MRTFB: variants seen among roughly 807,000 people sequenced by gnomAD.
MRTFB encodes the protein myocardin related transcription factor B.
Under a neutral mutation model 104.2 loss-of-function variants are expected in MRTFB, and 29 were observed. That is an observed-to-expected ratio of 0.28 (90% CI 0.21 to 0.38). The LOEUF (loss-of-function observed/expected upper bound fraction) is 0.38. Among genes scored for constraint, MRTFB ranks in the 10% least tolerant of loss-of-function variants. MRTFB has a pLI of 1.00. For synonymous variants in MRTFB, 535 were observed against 519.5 expected, an observed-to-expected ratio of 1.03 and a Z score of -0.41; for missense variants, 1,270 against 1,341.6, an observed-to-expected ratio of 0.95 and a Z score of 0.83.
chr16:14,131,788 AAG>A (rs899421798), intron 2 of MRTFB, among the ~76,000 whole-genome samples: 3 of 151,964 alleles, frequency 2.0e-5, no homozygotes, highest in East Asian at 1.9e-4. Context: ...TAAAAAAAAA[AAG>A]AGAGAATGTG....
chr16:14,048,675 T>C, the MRTFB span, among the ~76,000 whole-genome samples: 31 of 152,228 alleles, frequency 2.0e-4, no homozygotes, highest in African/African-American at 7.5e-4. Context: ...ATCTGATTCA[T>C]GTCTTCAAAG....
chr16:14,000,152 A>G, the MRTFB span, among the ~76,000 whole-genome samples: 1 of 152,190 alleles, frequency 6.6e-6, no homozygotes, highest in African/African-American at 2.4e-5. Context: ...CAGGATAGAG[A>G]TAACAGGGTA....
the MRTFB span, among the ~76,000 whole-genome samples, chr16:14,034,272 C>A: frequency 6.6e-6 from 1 of 152,182 alleles, no homozygotes; most frequent in Non-Finnish European, 1.5e-5. Context: ...AACCTGTCCC[C>A]ACCTCTCTTC....
At chr16:14,076,355 C>T (rs946202647) in intron 1 of MRTFB, among the ~76,000 whole-genome samples, 1 of 151,868 alleles carries the variant, frequency 6.6e-6, no homozygotes, top group African/African-American at 2.4e-5. Context: ...CCACCAGGCC[C>T]GGATAATTTT....
the MRTFB span, among the ~76,000 whole-genome samples, chr16:13,999,006 A>G: frequency 1.3e-5 from 2 of 151,002 alleles, no homozygotes; most frequent in African/African-American, 4.9e-5. Context: ...CTTGGGCAAC[A>G]TGGTGAAACC....
chr16:14,159,606 G>T (rs115819742), intron 3 of MRTFB, among the ~76,000 whole-genome samples: 1 of 152,224 alleles, frequency 6.6e-6, no homozygotes, highest in African/African-American at 2.4e-5. Flanking sequence ...TCTTTGTAAC[G>T]CCTGAAGTTA....
chr16:14,072,477 C>A (rs1353848074), intron 1 of MRTFB, among the ~76,000 whole-genome samples: 1 of 152,076 alleles, frequency 6.6e-6, no homozygotes, highest in Non-Finnish European at 1.5e-5. Flanking sequence ...GGAGCTATTT[C>A]AAACAAGAGC....
chr16:14,120,344 C>T (rs986915005), intron 2 of MRTFB, among the ~76,000 whole-genome samples: 1 of 152,172 alleles, frequency 6.6e-6, no homozygotes, highest in African/African-American at 2.4e-5. Flanking sequence ...CTTTTTACAT[C>T]ATGTTTAATC....
chr16:14,105,197 A>G (rs922988517), intron 2 of MRTFB, among the ~76,000 whole-genome samples: 17 of 152,292 alleles, frequency 1.1e-4, no homozygotes, highest in African/African-American at 4.1e-4. Context: ...GAGCTGATAG[A>G]GGCCTTGGGA....
chr16:14,162,152 CAAAAAAAA>C (rs376183467), intron 3 of MRTFB, among the ~76,000 whole-genome samples: 157 of 62,702 alleles, frequency 2.5e-3, no homozygotes, highest in African/African-American at 6.1e-3. Context: ...CCTGTCTCTA[CAAAAAAAA>C]AAAAAAAAAA....
At chr16:14,014,852 G>T in the MRTFB span, among the ~76,000 whole-genome samples, 1 of 151,950 alleles carries the variant, frequency 6.6e-6, no homozygotes, top group Non-Finnish European at 1.5e-5. Flanking sequence ...CTGGCGACAG[G>T]GCAAGACTCC....
intron 2 of MRTFB, among the ~76,000 whole-genome samples, chr16:14,138,683 G>T (rs1303074658): frequency 6.6e-6 from 1 of 152,186 alleles, no homozygotes; most frequent in Non-Finnish European, 1.5e-5. Context: ...ATCAGCCAGA[G>T]ACTTGGAGCA....
At chr16:14,194,135 A>G (rs2040322130) in intron 3 of MRTFB, among the ~76,000 whole-genome samples, 1 of 152,242 alleles carries the variant, frequency 6.6e-6, no homozygotes, top group Non-Finnish European at 1.5e-5. Flanking sequence ...AGCAGGCATC[A>G]GAATGGCAAA....
At chr16:14,141,270 C>G (rs770068088) in intron 3 of MRTFB, 1 of 152,594 alleles carries the variant, frequency 6.6e-6, no homozygotes, top group Non-Finnish European at 1.5e-5. Flanking sequence ...TCATCTTTGT[C>G]TACAAAATGA....
intron 3 of MRTFB, among the ~76,000 whole-genome samples, chr16:14,159,390 AT>A (rs1378325682): frequency 6.6e-6 from 1 of 152,106 alleles, no homozygotes; most frequent in East Asian, 1.9e-4. Context: ...TGTCCAAATA[AT>A]TTTTTTACCT....
intron 2 of MRTFB, among the ~76,000 whole-genome samples, chr16:14,102,724 C>A (rs914667457): frequency 2.0e-5 from 3 of 152,222 alleles, no homozygotes; most frequent in African/African-American, 7.2e-5. Context: ...TGTTCTCAAA[C>A]TTTCTGTGTC....
intron 2 of MRTFB, among the ~76,000 whole-genome samples, chr16:14,081,728 T>C (rs566147198): frequency 2.0e-5 from 3 of 152,196 alleles, no homozygotes; most frequent in East Asian, 1.9e-4. Context: ...CACAGGCACA[T>C]GCCACCACAC....
chr16:14,122,348 A>G (rs138369422), intron 2 of MRTFB, among the ~76,000 whole-genome samples: 9 of 151,612 alleles, frequency 5.9e-5, no homozygotes, highest in African/African-American at 1.7e-4. Flanking sequence ...GTTTTGTTAC[A>G]TGTATATACA....
Position 14,258,106 on chromosome 16 carries a change from C to G in MRTFB, c.2709C>G (p.Ser903=). The G allele has an allele frequency of 6.2e-7, 1 of 1,613,712 alleles. No homozygotes were observed. Among genetic ancestry groups the G allele is most frequent in the South Asian group, 1.1e-5 (1 of 91,058 alleles). ...RSTQAPLPEI[S]NAHSQQMDDL... ...TGTACTCTCCTTCATTGTAGATTTC[C>G]AACGCTCACAGTCAGCAGATGGATG... Residue 903 remains serine (S), a synonymous_variant, in exon 16 of 17, where the codon TCC becomes TCG. Coordinates refer to ENST00000571589, the MANE Select transcript of MRTFB (RefSeq NM_001308142.2).
Sources: allele counts gnomAD v4.1 joint callset (sites outside exome capture counted in the v4.1 genomes callset), GRCh38; gene constraint gnomAD v4.1.1; transcripts MANE v1.5; gene names NCBI Gene and HGNC (gene_info 2026-07-23, HGNC 2026-07-21).